Variants in ITGA4 observed in about 807,000 individuals in gnomAD.
ITGA4 encodes the protein integrin alpha-4.
In ITGA4, 63 loss-of-function variants were observed where a neutral mutation model predicts 133.6. That is an observed-to-expected ratio of 0.47 (90% confidence interval 0.38 to 0.58). ITGA4 has a LOEUF of 0.58. Ranked by LOEUF, ITGA4 falls within the 20% of genes least tolerant of loss-of-function variation. ITGA4 has a pLI of 0.00. For missense variants in ITGA4, 1,076 were observed against 1,252.7 expected (o/e 0.86, Z 2.13); for synonymous variants, 483 against 438.0 (o/e 1.10, Z -1.28).
At position 181,480,172 on chromosome 2, in the gene ITGA4, C is replaced by G; in HGVS notation, c.660C>G (p.Tyr220Ter). 1.9e-6 allele frequency: 3 copies of G among 1,560,374 alleles called. No homozygotes were observed. Among genetic ancestry groups the G allele is most frequent in the Non-Finnish European group, 2.6e-6 (3 of 1,155,596 alleles). ...LIVMGAPGSS[Y>*]WTGSLFVYNI... ...TGATGGGGGCCCCAGGATCATCTTA[C>G]TGGACTGGCTCTCTTTTTGTCTACA... Residue 220 changes from tyrosine (Y) to a stop codon, truncating the protein, a stop_gained, in exon 6 of 28, where the codon TAC becomes TAG. Transcript: ENST00000397033. LOFTEE classifies it high-confidence loss of function.
chr2:181,486,039 G>C (rs376126408), intron 10 of ITGA4, 47 bp downstream of exon 10: 2 of 1,540,206 alleles, frequency 1.3e-6, no homozygotes, highest in Non-Finnish European at 1.7e-6. Flanking sequence ...TTTTAAAATG[G>C]TTTATGGAAG....
At chr2:181,533,777 C>T (rs1227476885) in intron 25 of ITGA4, among the ~76,000 whole-genome samples, 5 of 152,174 alleles carry the variant, frequency 3.3e-5, no homozygotes, top group Admixed American at 6.5e-5. Flanking sequence ...CAAATGCACA[C>T]ATGAAAACAT....
intron 25 of ITGA4, among the ~76,000 whole-genome samples, chr2:181,532,318 A>G (rs779588199): frequency 1.3e-5 from 2 of 152,180 alleles, no homozygotes; most frequent in Non-Finnish European, 2.9e-5. Context: ...TGATGGGAGT[A>G]GCCTTGAATC....
Position 181,465,789 on chromosome 2 carries a change from T to C in ITGA4, c.319+7472T>C, listed in dbSNP as rs139728533. On this transcript the variant is annotated intron_variant, in intron 2 of 27. Transcript: ENST00000397033. ...TCTGGCAGCATCAGATGGTGGTTGA[T>C]AGTGTGAGTTTTAATCCCTTCCTTC... Among the ~76,000 whole-genome samples the C allele has an allele frequency of 6.1e-3, 934 of 152,246 alleles. 4 individuals carry two copies. Among genetic ancestry groups the C allele is most frequent in the Non-Finnish European group, 8.4e-3 (569 of 67,980 alleles).
chr2:181,491,872 C>G (rs1686055483), intron 10 of ITGA4, among the ~76,000 whole-genome samples: 1 of 152,216 alleles, frequency 6.6e-6, no homozygotes, highest in African/African-American at 2.4e-5. Context: ...TTCACATGTG[C>G]CATGCTGCCT....
chr2:181,495,694 G>C lies in ITGA4; in HGVS notation c.1386-89G>C. The C allele has an allele frequency of 8.8e-7, 1 of 1,130,488 alleles. No individual in the cohort carries two copies. Among genetic ancestry groups the C allele is most frequent in the South Asian group, 1.5e-5 (1 of 68,342 alleles). 70.0% of individuals were successfully genotyped at this position (1,130,488 alleles called of 1,614,324 possible). A position where few individuals can be genotyped will look rare whatever the true frequency, so the allele number is the denominator to read the frequency against. On this transcript the variant is annotated intron_variant, in intron 13 of 27. Transcript: ENST00000397033. The surrounding 1 kb of genome is among the most constrained non-coding windows in gnomAD (Gnocchi z 4.3). Reference sequence around the variant, plus strand: ...ATAATAAGACTCATGAAATTACTTGGTGAATGTAAACTGAAAAAACAAACG... The same window carrying C: ...ATAATAAGACTCATGAAATTACTTGCTGAATGTAAACTGAAAAAACAAACG...
intron 12 of ITGA4, 129 bp downstream of exon 12, chr2:181,494,941 A>G (rs1686129102): frequency 1.7e-6 from 1 of 604,866 alleles, no homozygotes; most frequent in South Asian, 2.3e-5. Flanking sequence ...TTCATTTTTA[A>G]AGTTCTCCTT....
intron 2 of ITGA4, among the ~76,000 whole-genome samples, chr2:181,461,338 C>T (rs570053482): frequency 6.6e-6 from 1 of 151,202 alleles, no homozygotes; most frequent in South Asian, 2.1e-4. Flanking sequence ...ATATTGTTGG[C>T]CTCCTTTTAC....
At chr2:181,497,662 A>G (rs1686182066) in intron 14 of ITGA4, among the ~76,000 whole-genome samples, 1 of 152,172 alleles carries the variant, frequency 6.6e-6, no homozygotes, top group Non-Finnish European at 1.5e-5. Context: ...ATTCTTCTGG[A>G]AGTGTTACTC....
rs1226547473 is a variant in ITGA4, at chr2:181,523,568, C to G, written c.2169+36C>G. 1.8e-6 allele frequency: 2 copies of G among 1,141,212 alleles called. No homozygotes were observed. Among genetic ancestry groups the G allele is most frequent in the Middle Eastern group, 2.0e-4 (1 of 5,028 alleles). The allele number at this position is 1,141,212 out of a possible 1,614,324, so 70.7% of individuals were successfully genotyped here. A position where few individuals can be genotyped will look rare whatever the true frequency, so the allele number is the denominator to read the frequency against. On this transcript the variant is annotated intron_variant, in intron 19 of 27. Coordinates refer to ENST00000397033, the MANE Select transcript of ITGA4 (RefSeq NM_000885.6). This position sits in a 1 kb window ranked among gnomAD's most constrained non-coding sequence, Gnocchi z 4.2. ...CATATTTATGGCTTTTGTTCACTAT[C>G]ATGAATATTTTTTTCTATTCTTCCC...
intron 2 of ITGA4, among the ~76,000 whole-genome samples, chr2:181,472,264 T>C (rs1028820391): frequency 3.9e-5 from 6 of 152,220 alleles, no homozygotes; most frequent in Non-Finnish European, 8.8e-5. Flanking sequence ...CCGATAACAA[T>C]ACACTATTTT....
chr2:181,496,071 A>G, intron 14 of ITGA4, 134 bp downstream of exon 14: 2 of 820,130 alleles, frequency 2.4e-6, no homozygotes, highest in South Asian at 3.5e-5. Flanking sequence ...TACCTGATGC[A>G]TGCTTTTCCT....
intron 15 of ITGA4, among the ~76,000 whole-genome samples, chr2:181,499,819 G>T (rs1403465814): frequency 2.0e-5 from 3 of 152,102 alleles, no homozygotes; most frequent in African/African-American, 4.8e-5. Flanking sequence ...TTAGTCAATT[G>T]TAGAGACAAA....
rs1260665224 is a variant in ITGA4, at chr2:181,475,906, C to T, written c.556+618C>T. On this transcript the variant is annotated intron_variant, in intron 4 of 27. Transcript: ENST00000397033. Reference sequence around the variant, plus strand: ...AACAGAGCATGTCAGAGGATATCTGCAGCAAAACTAAAATCCAACAATGCG... The same window carrying T: ...AACAGAGCATGTCAGAGGATATCTGTAGCAAAACTAAAATCCAACAATGCG... The T allele has an allele frequency of 3.9e-6, 6 of 1,539,942 alleles. No individual in the cohort carries two copies. In the African/African-American group the frequency reaches 8.2e-5, roughly 21 times the overall value.
intron 5 of ITGA4, 66 bp downstream of exon 5, chr2:181,478,890 G>A: frequency 1.3e-6 from 1 of 765,756 alleles, no homozygotes; most frequent in Non-Finnish European, 2.0e-6. Flanking sequence ...CTCATGGTTT[G>A]GAAGACTGAT....
intron 17 of ITGA4, among the ~76,000 whole-genome samples, chr2:181,519,191 G>A (rs1238793594): frequency 6.6e-6 from 1 of 151,918 alleles, no homozygotes; most frequent in Non-Finnish European, 1.5e-5. Flanking sequence ...ACAAAATTTT[G>A]AATAAAAGCC....
At chr2:181,524,141 T>C in intron 19 of ITGA4, 30 bp from the exon 20 acceptor site, 2 of 1,446,726 alleles carry the variant, frequency 1.4e-6, no homozygotes, top group African/African-American at 2.9e-5. Flanking sequence ...AGATTTTTTT[T>C]AATGGGCTTT....
intron 14 of ITGA4, among the ~76,000 whole-genome samples, chr2:181,497,340 C>T (rs928056417): frequency 1.3e-5 from 2 of 152,152 alleles, no homozygotes; most frequent in African/African-American, 4.8e-5. Context: ...TAAAATGACT[C>T]CCAGGAGAAA....
At chr2:181,467,238 CAGTT>C (rs1359189956) in intron 2 of ITGA4, among the ~76,000 whole-genome samples, 17 of 148,344 alleles carry the variant, frequency 1.1e-4, no homozygotes, top group Admixed American at 6.0e-4. Context: ...AAAAAAAAGA[CAGTT>C]GGTGGAAGGT....
Sources: allele counts gnomAD v4.1 joint callset (sites outside exome capture counted in the v4.1 genomes callset), GRCh38; gene constraint gnomAD v4.1.1; non-coding constraint Gnocchi (gnomAD v3.1); transcripts MANE v1.5; gene names NCBI Gene and HGNC (gene_info 2026-07-23, HGNC 2026-07-21).